The following CDH3 variants were observed in gnomAD, a reference collection of about 807,000 sequenced individuals.
CDH3 encodes cadherin 3.
In CDH3, 54 loss-of-function variants were observed where a neutral mutation model predicts 82.0. That is an observed-to-expected ratio of 0.66 (90% CI 0.53 to 0.83). The LOEUF (loss-of-function observed/expected upper bound fraction) is 0.83. Ranked by LOEUF, CDH3 falls within the 40% of genes least tolerant of loss-of-function variation. CDH3 has a pLI of 0.00. For missense variants in CDH3, 1,054 were observed against 1,084.6 expected, an observed-to-expected ratio of 0.97 and a Z score of 0.40; for synonymous variants, 446 against 437.9, an observed-to-expected ratio of 1.02 and a Z score of -0.23.
At chr16:68,710,495 C>G (rs1343226685) in intron 1 of CDH3, among the ~76,000 whole-genome samples, 1 of 152,194 alleles carries the variant, frequency 6.6e-6, no homozygotes, top group Non-Finnish European at 1.5e-5. Flanking sequence ...TGTTGCTAAA[C>G]CCCCTACAAT....
intron 2 of CDH3, 161 bp downstream of exon 2, chr16:68,645,911 G>C (rs1272339443): frequency 9.7e-6 from 6 of 615,862 alleles, no homozygotes; most frequent in African/African-American, 1.8e-5. Flanking sequence ...GGGGGTGGTG[G>C]CTGACGGAGA....
intron 1 of CDH3, among the ~76,000 whole-genome samples, chr16:68,717,832 T>G (rs968008080): frequency 3.3e-5 from 5 of 151,952 alleles, no homozygotes; most frequent in Non-Finnish European, 7.4e-5. Context: ...TATATCTTTC[T>G]CAGAGACTGG....
At chr16:68,685,175 G>T in intron 10 of CDH3, 30 bp from the exon 11 acceptor site, 1 of 1,612,936 alleles carries the variant, frequency 6.2e-7, no homozygotes, top group East Asian at 2.2e-5. Context: ...AAATATTCTG[G>T]ATGTACTCGT....
At chr16:68,730,297 C>A (rs538575874), downstream of CDH3, among the ~76,000 whole-genome samples, 2 of 149,720 alleles carry the variant, frequency 1.3e-5, no homozygotes, top group African/African-American at 4.9e-5. Flanking sequence ...GAGGCTGAGG[C>A]GGGCGGATCA....
intron 2 of CDH3, 59 bp from the exon 3 acceptor site, chr16:68,676,326 T>C: frequency 7.9e-7 from 1 of 1,272,978 alleles, no homozygotes. Context: ...CTTGTTTTCC[T>C]GGGGCAACTT....
At chr16:68,653,635 A>G (rs1393004388) in intron 2 of CDH3, among the ~76,000 whole-genome samples, 1 of 151,460 alleles carries the variant, frequency 6.6e-6, no homozygotes. Context: ...TTCTTTCCTC[A>G]AAAGTAGAAA....
chr16:68,653,376 T>C (rs974269773), intron 2 of CDH3, among the ~76,000 whole-genome samples: 1 of 151,872 alleles, frequency 6.6e-6, no homozygotes, highest in African/African-American at 2.4e-5. Context: ...TAGCTGGGAT[T>C]ACAGGCATGC....
chr16:68,648,863 G>C (rs914307207), intron 2 of CDH3, among the ~76,000 whole-genome samples: 18 of 150,512 alleles, frequency 1.2e-4, no homozygotes, highest in Admixed American at 7.9e-4. Flanking sequence ...CCCCAAGAGT[G>C]CTTAGTCTTT....
chr16:68,667,435 GGA>G (rs1470014922), intron 2 of CDH3, among the ~76,000 whole-genome samples: 9 of 152,172 alleles, frequency 5.9e-5, no homozygotes, highest in African/African-American at 2.2e-4. Flanking sequence ...GGAAATTGGT[GGA>G]GAGTGATCAC....
In CDH3 at chr16:68,649,990, C is replaced by T. The variant is rs776922263; in HGVS notation, c.160+4240C>T. ...TGGAGGTTGCAGCAAGCCAAGATCACGCCACTGTACTCCAGCCTGGGCAAC... is the reference window on the plus strand; with the variant it reads ...TGGAGGTTGCAGCAAGCCAAGATCATGCCACTGTACTCCAGCCTGGGCAAC... On this transcript the variant is annotated intron_variant, in intron 2 of 15. Coordinates refer to ENST00000264012, the MANE Select transcript of CDH3 (RefSeq NM_001793.6). 6.6e-5 allele frequency among the ~76,000 whole-genome samples: 10 copies of T among 151,800 alleles called. No individual in the cohort carries two copies. The South Asian group carries it at 1.5e-3, about 22-fold the overall frequency.
Position 68,678,005 on chromosome 16 carries a change from T to C in CDH3, c.247-129T>C, listed in dbSNP as rs541828591. 9.1e-5 allele frequency: 78 copies of C among 859,150 alleles called. No individual in the cohort carries two copies. In the African/African-American group the frequency reaches 1.2e-3, roughly 13 times the overall value. 53.2% of individuals were successfully genotyped at this position (859,150 alleles called of 1,614,324 possible). A position where few individuals can be genotyped will look rare whatever the true frequency, so the allele number is the denominator to read the frequency against. Reference sequence around the variant, plus strand: ...TGGAACTCCTGGGCTCAAGTGACCCTCCCAAAGTACTGGGATTATAGGCGT... The same window carrying C: ...TGGAACTCCTGGGCTCAAGTGACCCCCCCAAAGTACTGGGATTATAGGCGT... On this transcript the variant is annotated intron_variant, in intron 3 of 15. Coordinates refer to ENST00000264012, the MANE Select transcript of CDH3 (RefSeq NM_001793.6).
chr16:68,730,549 A>C (rs1001796536), downstream of CDH3, among the ~76,000 whole-genome samples: 13 of 152,298 alleles, frequency 8.5e-5, no homozygotes, highest in East Asian at 1.2e-3. Flanking sequence ...AACAAACAAA[A>C]AAAATTGTTT....
chr16:68,731,033 AAAAAAAAAAAAAAAATATATATAT>A (rs1243664957), downstream of CDH3, among the ~76,000 whole-genome samples: 4 of 29,200 alleles, frequency 1.4e-4, no homozygotes, highest in Admixed American at 4.6e-4. Context: ...AAAAAAAAAA[AAAAAAAAAAAAAAAATATATATAT>A]ATATATATAT....
chr16:68,648,473 G>T (rs995712551), intron 2 of CDH3, among the ~76,000 whole-genome samples: 2 of 151,306 alleles, frequency 1.3e-5, no homozygotes, highest in East Asian at 1.9e-4. Context: ...TTGAGATAGG[G>T]TATCGCTCTG....
chr16:68,709,318 C>T (rs1332496954), intron 1 of CDH3, among the ~76,000 whole-genome samples: 13 of 152,160 alleles, frequency 8.5e-5, no homozygotes, highest in African/African-American at 3.1e-4. Flanking sequence ...GCCATCCTCC[C>T]TCCTGGGCCT....
At chr16:68,709,561 C>A (rs1209345453) in intron 1 of CDH3, among the ~76,000 whole-genome samples, 1 of 152,094 alleles carries the variant, frequency 6.6e-6, no homozygotes, top group African/African-American at 2.4e-5. Context: ...CAGGTTCAAG[C>A]GATTCTACTA....
At chr16:68,708,375 C>T (rs1196413191) in intron 1 of CDH3, among the ~76,000 whole-genome samples, 1 of 148,626 alleles carries the variant, frequency 6.7e-6, no homozygotes, top group Non-Finnish European at 1.5e-5. Flanking sequence ...TAAGCAGTTA[C>T]CATGTGCCAG....
Position 68,699,899 on chromosome 16 carries a change from C to G in CDH3, c.*1499C>G, listed in dbSNP as rs1961862316. The G allele has an allele frequency of 6.6e-6, 1 of 152,216 alleles. No homozygotes were observed. Among genetic ancestry groups the G allele is most frequent in the Non-Finnish European group, 1.5e-5 (1 of 68,044 alleles). The allele number at this position is 152,216 out of a possible 1,614,324, so 9.4% of individuals were successfully genotyped here. On this transcript the variant is annotated 3_prime_UTR_variant, in exon 16 of 16. Transcript: ENST00000264012. Reference sequence around the variant, plus strand: ...ATATCTGGCACATGGTCCATGCAATCTGTTAGTTGGTAACAGCTACCATTT... The same window carrying G: ...ATATCTGGCACATGGTCCATGCAATGTGTTAGTTGGTAACAGCTACCATTT...
chr16:68,670,688 A>C (rs1960862865), intron 2 of CDH3, among the ~76,000 whole-genome samples: 1 of 152,180 alleles, frequency 6.6e-6, no homozygotes, highest in East Asian at 1.9e-4. Context: ...ATAAATACCT[A>C]ATAAGTTAAT....
Sources: allele counts gnomAD v4.1 joint callset (sites outside exome capture counted in the v4.1 genomes callset), GRCh38; gene constraint gnomAD v4.1.1; transcripts MANE v1.5; gene names NCBI Gene and HGNC (gene_info 2026-07-23, HGNC 2026-07-21).